Variants in PLPPR1 observed in about 807,000 individuals in gnomAD.
The protein encoded by PLPPR1 is phospholipid phosphatase-related protein type 1.
PLPPR1 carries 10 observed loss-of-function variants against 33.1 expected under a neutral mutation model. The ratio of observed to expected loss-of-function variants is 0.30; its 90% confidence interval spans 0.19 to 0.51. The LOEUF (loss-of-function observed/expected upper bound fraction) is 0.51. Ranked by LOEUF, PLPPR1 falls within the 20% of genes least tolerant of loss-of-function variation. The pLI, the probability that PLPPR1 is intolerant of heterozygous loss-of-function variation, is 0.97. For synonymous variants in PLPPR1, 151 were observed against 151.0 expected (o/e 1.00, Z 0.00); for missense variants, 304 against 408.1 (o/e 0.74, Z 2.20).
intron 2 of PLPPR1, among the ~76,000 whole-genome samples, chr9:101,235,756 C>T (rs936060710): frequency 6.6e-6 from 1 of 151,812 alleles, no homozygotes; most frequent in African/African-American, 2.4e-5. Context: ...CTCTCACTTA[C>T]AGGCACAGTA....
At chr9:101,276,148 C>T (rs761909477) in intron 3 of PLPPR1, among the ~76,000 whole-genome samples, 5 of 152,090 alleles carry the variant, frequency 3.3e-5, no homozygotes, top group Non-Finnish European at 5.9e-5. Context: ...CTCTGAACAA[C>T]CTCATCTGTT....
At chr9:101,063,630 G>T (rs1372264894) in intron 1 of PLPPR1, among the ~76,000 whole-genome samples, 1 of 152,028 alleles carries the variant, frequency 6.6e-6, no homozygotes, top group Non-Finnish European at 1.5e-5. Context: ...CTTTTACCCT[G>T]ATCCTGGCAT....
At chr9:101,203,735 A>G (rs1440260464) in intron 2 of PLPPR1, among the ~76,000 whole-genome samples, 2 of 151,538 alleles carry the variant, frequency 1.3e-5, no homozygotes, top group African/African-American at 4.8e-5. Context: ...GATATGTTAT[A>G]TATCTATCTA....
chr9:101,158,159 T>TA (rs573137652), intron 1 of PLPPR1, among the ~76,000 whole-genome samples: 3 of 152,054 alleles, frequency 2.0e-5, no homozygotes, highest in South Asian at 2.1e-4. Context: ...TGTTATTTAG[T>TA]AAAAAAAGCT....
intron 1 of PLPPR1, among the ~76,000 whole-genome samples, chr9:101,175,001 C>G (rs912020909): frequency 6.6e-6 from 1 of 152,160 alleles, no homozygotes; most frequent in African/African-American, 2.4e-5. Flanking sequence ...AGTACATAAA[C>G]AAATTTTGGT....
At chr9:101,226,443 T>C (rs867918143) in intron 2 of PLPPR1, among the ~76,000 whole-genome samples, 1 of 152,146 alleles carries the variant, frequency 6.6e-6, no homozygotes. Flanking sequence ...CACCATACAC[T>C]GGGTGGCTCA....
intron 2 of PLPPR1, among the ~76,000 whole-genome samples, chr9:101,224,789 T>C (rs115387663): frequency 6.6e-6 from 1 of 152,122 alleles, no homozygotes; most frequent in South Asian, 2.1e-4. Flanking sequence ...TTAGGTGAAG[T>C]GGTGTGCTTA....
chr9:101,219,749 C>T (rs113989895), intron 2 of PLPPR1, among the ~76,000 whole-genome samples: 140 of 152,210 alleles, frequency 9.2e-4, no homozygotes, highest in African/African-American at 3.2e-3. Flanking sequence ...TGCTATCCTG[C>T]GATCAGTTCT....
intron 1 of PLPPR1, among the ~76,000 whole-genome samples, chr9:101,110,024 A>C (rs1029078609): frequency 1.3e-5 from 2 of 152,214 alleles, no homozygotes; most frequent in African/African-American, 4.8e-5. Context: ...AGTCATTTTC[A>C]ACAGTACTAA....
Position 101,293,858 on chromosome 9 carries a change from T to A in PLPPR1, c.385+7622T>A, listed in dbSNP as rs1160404784. 2.0e-5 allele frequency among the ~76,000 whole-genome samples: 3 copies of A among 151,130 alleles called. No homozygotes were observed. The East Asian group carries it at 5.9e-4, about 30-fold the overall frequency. On this transcript the variant is annotated intron_variant, in intron 4 of 7. Transcript: ENST00000374874. Reference sequence around the variant, plus strand: ...TGCCCACAAGAGAAAGCAGGAAAGATCCAAAATTGACACCCTAACATCACA... The same window carrying A: ...TGCCCACAAGAGAAAGCAGGAAAGAACCAAAATTGACACCCTAACATCACA...
intron 2 of PLPPR1, among the ~76,000 whole-genome samples, chr9:101,246,118 A>T (rs1045963984): frequency 2.7e-4 from 38 of 140,896 alleles, no homozygotes; most frequent in African/African-American, 9.7e-4. Context: ...ATAGATAGAT[A>T]GATAGATTTG....
intron 4 of PLPPR1, 67 bp downstream of exon 4, chr9:101,286,303 G>C (rs1828393858): frequency 7.6e-6 from 11 of 1,442,456 alleles, no homozygotes; most frequent in Non-Finnish European, 1.0e-5. Flanking sequence ...CAAACACTTG[G>C]TAAAATAAAC....
At chr9:101,204,357 G>A (rs780539530) in intron 2 of PLPPR1, among the ~76,000 whole-genome samples, 1 of 152,100 alleles carries the variant, frequency 6.6e-6, no homozygotes, top group African/African-American at 2.4e-5. Flanking sequence ...ACTGGAGATG[G>A]CAAAGAAAAG....
intron 1 of PLPPR1, among the ~76,000 whole-genome samples, chr9:101,035,608 A>G (rs1299039678): frequency 6.6e-6 from 1 of 151,982 alleles, no homozygotes; most frequent in Non-Finnish European, 1.5e-5. Flanking sequence ...TTCTCTTTCT[A>G]TGTGTTTCAG....
intron 1 of PLPPR1, among the ~76,000 whole-genome samples, chr9:101,145,981 A>G (rs1447597971): frequency 6.6e-6 from 1 of 152,130 alleles, no homozygotes; most frequent in South Asian, 2.1e-4. Flanking sequence ...GCACCACTGC[A>G]TTCTAGCTTG....
intron 2 of PLPPR1, among the ~76,000 whole-genome samples, chr9:101,190,868 G>T (rs1826285973): frequency 6.6e-6 from 1 of 152,142 alleles, no homozygotes; most frequent in African/African-American, 2.4e-5. Flanking sequence ...AAAGGGAGAG[G>T]ATTAACAGTG....
At chr9:101,248,532 AAATC>A (rs1463541606) in intron 2 of PLPPR1, among the ~76,000 whole-genome samples, 2 of 152,068 alleles carry the variant, frequency 1.3e-5, no homozygotes, top group Non-Finnish European at 2.9e-5. Flanking sequence ...AAAGAACCAG[AAATC>A]AATCAGAGAG....
At chr9:101,306,744 C>G (rs1828866306) in intron 4 of PLPPR1, among the ~76,000 whole-genome samples, 2 of 152,074 alleles carry the variant, frequency 1.3e-5, no homozygotes, top group Admixed American at 1.3e-4. Flanking sequence ...TATGATCTCA[C>G]CTGAAGAATT....
chr9:101,062,149 GGTGTGTGT>G (rs56998660), intron 1 of PLPPR1, among the ~76,000 whole-genome samples: 2,149 of 148,534 alleles, frequency 0.014, 55 homozygotes, highest in African/African-American at 0.05. Context: ...GACAAAATGT[GGTGTGTGT>G]GTGTGTGTGT....
Sources: allele counts gnomAD v4.1 joint callset (sites outside exome capture counted in the v4.1 genomes callset), GRCh38; gene constraint gnomAD v4.1.1; transcripts MANE v1.5; gene names NCBI Gene and HGNC (gene_info 2026-07-23, HGNC 2026-07-21).